Variants in STK32B observed in about 807,000 individuals in gnomAD.
STK32B encodes serine/threonine-protein kinase 32B.
Under a neutral mutation model 52.6 loss-of-function variants are expected in STK32B, and 43 were observed. The observed-to-expected ratio is 0.82, with a 90% CI of 0.64 to 1.05. The LOEUF is 1.05. Among genes scored for constraint, STK32B ranks in the 50% least tolerant of loss-of-function variants. STK32B has a pLI of 0.00. For missense variants in STK32B, 621 were observed against 534.6 expected (o/e 1.16, Z -1.59); for synonymous variants, 238 against 204.3 (o/e 1.17, Z -1.41).
At chr4:5,471,892 T>A (rs1009099059) in intron 11 of STK32B, among the ~76,000 whole-genome samples, 1 of 152,196 alleles carries the variant, frequency 6.6e-6, no homozygotes, top group Admixed American at 6.5e-5. Context: ...GAACATAGAT[T>A]CCTGCTATAC....
chr4:5,051,044 T>C, upstream of STK32B, among the ~76,000 whole-genome samples: 1 of 152,116 alleles, frequency 6.6e-6, no homozygotes, highest in Non-Finnish European at 1.5e-5. Flanking sequence ...CATTAAACAC[T>C]GAGAAAAACC....
chr4:5,432,679 T>C (rs899011332), intron 6 of STK32B, among the ~76,000 whole-genome samples: 6 of 152,192 alleles, frequency 3.9e-5, no homozygotes, highest in Admixed American at 1.3e-4. Context: ...TGGCCAAATA[T>C]GATGGTGCCT....
intron 3 of STK32B, among the ~76,000 whole-genome samples, chr4:5,202,867 A>G (rs1289155279): frequency 6.6e-6 from 1 of 152,224 alleles, no homozygotes; most frequent in African/African-American, 2.4e-5. Flanking sequence ...ATGACTGGGC[A>G]TGGTGCCACA....
At chr4:5,441,631 C>A (rs748575056) in intron 6 of STK32B, among the ~76,000 whole-genome samples, 32 of 151,744 alleles carry the variant, frequency 2.1e-4, no homozygotes, top group Non-Finnish European at 4.1e-4. Context: ...TTAGTTATTT[C>A]TTGCCTTCTG....
chr4:5,190,426 G>A (rs1721090477), intron 3 of STK32B, among the ~76,000 whole-genome samples: 1 of 152,156 alleles, frequency 6.6e-6, no homozygotes, highest in Non-Finnish European at 1.5e-5. Context: ...TAGAAAACCT[G>A]TAGAGGAGTG....
At chr4:5,127,922 C>G (rs554397301) in intron 1 of STK32B, among the ~76,000 whole-genome samples, 1 of 152,122 alleles carries the variant, frequency 6.6e-6, no homozygotes, top group East Asian at 1.9e-4. Context: ...GGAGAGTTCC[C>G]CTACACGAGC....
intron 3 of STK32B, among the ~76,000 whole-genome samples, chr4:5,191,932 A>G (rs907290173): frequency 1.3e-5 from 2 of 152,190 alleles, no homozygotes; most frequent in Non-Finnish European, 2.9e-5. Flanking sequence ...GGGGAATACA[A>G]CAGGGGCATG....
At chr4:5,303,111 T>G (rs1262251208) in intron 3 of STK32B, among the ~76,000 whole-genome samples, 1 of 151,936 alleles carries the variant, frequency 6.6e-6, no homozygotes, top group African/African-American at 2.4e-5. Context: ...TTCCATGTTT[T>G]CACAATTGGG....
intron 1 of STK32B, among the ~76,000 whole-genome samples, chr4:5,076,331 G>A (rs955066618): frequency 5.9e-5 from 9 of 152,142 alleles, no homozygotes; most frequent in African/African-American, 1.7e-4. Flanking sequence ...AGGAGGTACT[G>A]TAATTTTCTT....
chr4:5,313,199 A>T (rs937127459), intron 3 of STK32B, among the ~76,000 whole-genome samples: 1 of 151,798 alleles, frequency 6.6e-6, no homozygotes, highest in Non-Finnish European at 1.5e-5. Flanking sequence ...ACAAATTGAG[A>T]TTCACTATAG....
intron 11 of STK32B, among the ~76,000 whole-genome samples, chr4:5,495,433 C>T (rs1416011034): frequency 6.6e-6 from 1 of 152,176 alleles, no homozygotes; most frequent in Admixed American, 6.5e-5. Flanking sequence ...CCATCAGCTC[C>T]TTTAAGCACT....
rs1399571554 is a variant in STK32B, at chr4:5,380,107, T to C, written c.435-18100T>C. Among the ~76,000 whole-genome samples, 1 of 152,200 alleles carries C rather than the reference T, an allele frequency of 6.6e-6. No homozygotes were observed. The highest frequency in any genetic ancestry group is 1.9e-4 in the East Asian group (1 of 5,190). On this transcript the variant is annotated intron_variant, in intron 4 of 11. Coordinates refer to ENST00000282908, the MANE Select transcript of STK32B (RefSeq NM_018401.3). The surrounding 1 kb of genome is among the most constrained non-coding windows in gnomAD (Gnocchi z 4.3). ...GCATCTCCCCAGCCCACTGCTTGCT[T>C]CTCAGGGGCAATTTGAATATGTTTA...
At chr4:5,160,673 T>C (rs1179578889) in intron 2 of STK32B, among the ~76,000 whole-genome samples, 1 of 152,216 alleles carries the variant, frequency 6.6e-6, no homozygotes, top group Non-Finnish European at 1.5e-5. Context: ...AGTTATCAGC[T>C]AGGTGCCTGC....
At chr4:5,242,211 T>C (rs942383716) in intron 3 of STK32B, among the ~76,000 whole-genome samples, 87 of 152,348 alleles carry the variant, frequency 5.7e-4, no homozygotes, top group African/African-American at 2.1e-3. Context: ...TAAGTGTTCC[T>C]ATTTCTCCAC....
chr4:5,416,965 G>A (rs971927277), intron 6 of STK32B, 31 bp downstream of exon 6: 1 of 1,585,064 alleles, frequency 6.3e-7, no homozygotes. Flanking sequence ...CTTTTCATGT[G>A]ATCGGGCTCA....
rs1728107335 is a variant in STK32B, at chr4:5,280,292, G to GA, written c.261-50927dup. Among the ~76,000 whole-genome samples, 2 of 152,128 alleles carry GA rather than the reference G, an allele frequency of 1.3e-5. 1 individual carries two copies. Among genetic ancestry groups the GA allele is most frequent in the Non-Finnish European group, 2.9e-5 (2 of 68,028 alleles). On this transcript the variant is annotated intron_variant, in intron 3 of 11. Coordinates refer to ENST00000282908, the MANE Select transcript of STK32B (RefSeq NM_018401.3). ...GTCTTTGCTAAAGCATAGCAAGAGT[G>GA]ACCTTTACTCCAGTTCCCAGTAAGT...
chr4:5,497,646 G>C (rs1224729193), intron 11 of STK32B, among the ~76,000 whole-genome samples: 1 of 152,194 alleles, frequency 6.6e-6, no homozygotes, highest in South Asian at 2.1e-4. Flanking sequence ...TGGTATTTCA[G>C]TGTTATCTGA....
At chr4:5,498,749 C>T (rs1348155984) in intron 11 of STK32B, among the ~76,000 whole-genome samples, 196 bp from the exon 12 acceptor site, 1 of 152,224 alleles carries the variant, frequency 6.6e-6, no homozygotes, top group Non-Finnish European at 1.5e-5. Flanking sequence ...CCCAAGTGCA[C>T]CTGAGCTGCG....
At chr4:5,435,499 T>C (rs926246151) in intron 6 of STK32B, among the ~76,000 whole-genome samples, 1 of 152,176 alleles carries the variant, frequency 6.6e-6, no homozygotes. Context: ...GCCCATGCTA[T>C]AAAGATGAAT....
Sources: allele counts gnomAD v4.1 joint callset (sites outside exome capture counted in the v4.1 genomes callset), GRCh38; gene constraint gnomAD v4.1.1; non-coding constraint Gnocchi (gnomAD v3.1); transcripts MANE v1.5; gene names NCBI Gene and HGNC (gene_info 2026-07-23, HGNC 2026-07-21).